The following MACROD2 variants were observed in gnomAD, a reference collection of about 807,000 sequenced individuals.
The protein encoded by MACROD2 is ADP-ribose glycohydrolase MACROD2.
Under a neutral mutation model 70.4 loss-of-function variants are expected in MACROD2, and 36 were observed. The observed-to-expected ratio is 0.51, with a 90% CI of 0.39 to 0.68. The LOEUF (loss-of-function observed/expected upper bound fraction) is 0.68. MACROD2 is among the 30% of genes least tolerant of loss of function. The pLI is 0.00. For synonymous variants in MACROD2, 172 were observed against 178.8 expected (o/e 0.96, Z 0.30); for missense variants, 496 against 538.4 (o/e 0.92, Z 0.78).
chr20:14,909,288 C>T (rs1237970882), intron 5 of MACROD2, among the ~76,000 whole-genome samples: 1 of 152,082 alleles, frequency 6.6e-6, no homozygotes, highest in Non-Finnish European at 1.5e-5. Flanking sequence ...GAGTGAGAGC[C>T]TTCCCAGGGC....
intron 8 of MACROD2, among the ~76,000 whole-genome samples, chr20:15,772,096 AAAAAAATATAT>A (rs1376611284): frequency 2.0e-5 from 2 of 101,434 alleles, no homozygotes; most frequent in East Asian, 3.1e-4. Flanking sequence ...AAAAAAAAAA[AAAAAAATATAT>A]ATATATATAT....
intron 6 of MACROD2, among the ~76,000 whole-genome samples, chr20:15,323,531 C>T (rs1416510279): frequency 6.6e-6 from 1 of 151,990 alleles, no homozygotes; most frequent in Non-Finnish European, 1.5e-5. Flanking sequence ...TAATTTTGTC[C>T]CCATCAATTG....
At chr20:14,485,028 T>G (rs763222735) in intron 3 of MACROD2, among the ~76,000 whole-genome samples, 11 of 109,636 alleles carry the variant, frequency 1.0e-4, no homozygotes, top group African/African-American at 2.6e-4. Flanking sequence ...TCTGTTTTTG[T>G]TTTTTTTTGT....
chr20:14,655,745 C>G, intron 4 of MACROD2, among the ~76,000 whole-genome samples: 1 of 152,160 alleles, frequency 6.6e-6, no homozygotes, highest in East Asian at 1.9e-4. Flanking sequence ...ACATAATAAT[C>G]AAATAGAAAT....
At chr20:14,152,979 ATAAATT>A (rs1403306993) in intron 3 of MACROD2, among the ~76,000 whole-genome samples, 2 of 152,320 alleles carry the variant, frequency 1.3e-5, no homozygotes, top group East Asian at 3.9e-4. Flanking sequence ...TACTTTGATC[ATAAATT>A]TAAATTGGGA....
chr20:15,071,962 T>TA (rs941815903), intron 5 of MACROD2, among the ~76,000 whole-genome samples: 2 of 152,150 alleles, frequency 1.3e-5, no homozygotes, highest in Non-Finnish European at 2.9e-5. Context: ...TTCTACTGTT[T>TA]AAAAAATTTT....
At chr20:15,332,219 C>A (rs2078000560) in intron 6 of MACROD2, among the ~76,000 whole-genome samples, 1 of 151,534 alleles carries the variant, frequency 6.6e-6, no homozygotes, top group South Asian at 2.1e-4. Flanking sequence ...GCAAAAAATG[C>A]ATTTGCTGCT....
chr20:15,770,522 C>T (rs1220402346), intron 8 of MACROD2, among the ~76,000 whole-genome samples: 1 of 152,072 alleles, frequency 6.6e-6, no homozygotes, highest in Non-Finnish European at 1.5e-5. Flanking sequence ...TTGTTCCCAA[C>T]TCTCATCAGG....
At chr20:15,621,584 T>C (rs2049126384) in intron 8 of MACROD2, among the ~76,000 whole-genome samples, 1 of 152,200 alleles carries the variant, frequency 6.6e-6, no homozygotes, top group African/African-American at 2.4e-5. Flanking sequence ...TAGTAACTTA[T>C]TTAAAGTTGA....
At chr20:14,158,517 G>A (rs1471101202) in intron 3 of MACROD2, among the ~76,000 whole-genome samples, 3 of 152,050 alleles carry the variant, frequency 2.0e-5, no homozygotes, top group African/African-American at 7.2e-5. Flanking sequence ...CTAATGTCCT[G>A]AAGTATTTTC....
chr20:15,600,923 C>T lies in MACROD2; in HGVS notation c.645+101076C>T, dbSNP rs77584284. Among the ~76,000 whole-genome samples, 43 of 152,314 alleles carry T rather than the reference C, an allele frequency of 2.8e-4. No homozygotes were observed. The East Asian group carries it at 8.3e-3, about 29-fold the overall frequency. Reference sequence around the variant, plus strand: ...AGGGAAATACAGAGTCCAGTTCTTACAACTGAATATCCTTCTGGTAATGAA... The same window carrying T: ...AGGGAAATACAGAGTCCAGTTCTTATAACTGAATATCCTTCTGGTAATGAA... On this transcript the variant is annotated intron_variant, in intron 8 of 17. Transcript: ENST00000684519.
intron 12 of MACROD2, among the ~76,000 whole-genome samples, chr20:15,956,083 G>A (rs983057811): frequency 1.3e-5 from 2 of 152,146 alleles, no homozygotes; most frequent in African/African-American, 2.4e-5. Flanking sequence ...TATGTCATTC[G>A]GACTCACCAC....
chr20:15,918,955 ATGAC>A (rs916899869), intron 10 of MACROD2, among the ~76,000 whole-genome samples: 1 of 152,204 alleles, frequency 6.6e-6, no homozygotes, highest in African/African-American at 2.4e-5. Flanking sequence ...TGCATATTAA[ATGAC>A]TGACCCTGGA....
In MACROD2 at chr20:14,251,097, G is replaced by A. The variant is rs561580371; in HGVS notation, c.271+165369G>A. 6.6e-5 allele frequency among the ~76,000 whole-genome samples: 10 copies of A among 152,212 alleles called. 1 individual carries two copies. The highest frequency in any genetic ancestry group is 6.5e-4 in the Admixed American group (10 of 15,282). ...CACTTCTAGATTCATAAAATTAAGT[G>A]ACAGATGAATTCGAATGTGTTTGAG... On this transcript the variant is annotated intron_variant, in intron 3 of 17. Coordinates refer to ENST00000684519, the MANE Select transcript of MACROD2 (RefSeq NM_001351661.2).
At chr20:14,766,697 G>A (rs2072094234) in intron 5 of MACROD2, among the ~76,000 whole-genome samples, 1 of 152,102 alleles carries the variant, frequency 6.6e-6, no homozygotes, top group African/African-American at 2.4e-5. Context: ...TGTGCTCCAA[G>A]GAATCCATGT....
At chr20:15,667,509 A>ATCTATCTG (rs1261496880) in intron 8 of MACROD2, among the ~76,000 whole-genome samples, 4 of 140,356 alleles carry the variant, frequency 2.8e-5, no homozygotes, top group Admixed American at 7.5e-5. Flanking sequence ...GTATCTATCT[A>ATCTATCTG]TCTATCTATC....
chr20:14,252,720 C>T (rs185310263), intron 3 of MACROD2, among the ~76,000 whole-genome samples: 1 of 151,922 alleles, frequency 6.6e-6, no homozygotes, highest in South Asian at 2.1e-4. Context: ...TATTTCTTGT[C>T]CCCTGTCTTG....
intron 5 of MACROD2, among the ~76,000 whole-genome samples, chr20:15,088,082 A>C (rs546016366): frequency 6.6e-6 from 1 of 152,060 alleles, no homozygotes; most frequent in African/African-American, 2.4e-5. Context: ...ATTGTTTTAA[A>C]ACATTGCAAA....
chr20:14,460,360 T>A (rs1419993124), intron 3 of MACROD2, among the ~76,000 whole-genome samples: 5 of 152,136 alleles, frequency 3.3e-5, no homozygotes, highest in Non-Finnish European at 7.3e-5. Context: ...AAAACCTTCC[T>A]ATTTCTCCAC....
Sources: allele counts gnomAD v4.1 joint callset (sites outside exome capture counted in the v4.1 genomes callset), GRCh38; gene constraint gnomAD v4.1.1; transcripts MANE v1.5; gene names NCBI Gene and HGNC (gene_info 2026-07-23, HGNC 2026-07-21).